The following CADM1 variants were observed in gnomAD, a reference collection of about 807,000 sequenced individuals.
The protein encoded by CADM1 is cell adhesion molecule 1, also known as TSLC-1.
Under a neutral mutation model 53.1 loss-of-function variants are expected in CADM1, and 15 were observed. The ratio of observed to expected loss-of-function variants is 0.28; its 90% CI spans 0.19 to 0.44. The LOEUF is 0.44. Among genes scored for constraint, CADM1 ranks in the 20% least tolerant of loss-of-function variants. The pLI is 1.00. For missense variants in CADM1, 434 were observed against 611.3 expected (o/e 0.71, Z 3.06); for synonymous variants, 281 against 243.0 (o/e 1.16, Z -1.45).
At chr11:115,303,502 G>T (rs1336179790) in intron 1 of CADM1, among the ~76,000 whole-genome samples, 1 of 151,980 alleles carries the variant, frequency 6.6e-6, no homozygotes, top group African/African-American at 2.4e-5. Context: ...TTCTGTATCT[G>T]ATAGTTTTAT....
chr11:115,371,310 A>G (rs1259630137), intron 1 of CADM1, among the ~76,000 whole-genome samples: 1 of 152,216 alleles, frequency 6.6e-6, no homozygotes, highest in African/African-American at 2.4e-5. Flanking sequence ...AGGAAAATAG[A>G]AACATACAGT....
At chr11:115,362,031 C>G (rs1003343788) in intron 1 of CADM1, among the ~76,000 whole-genome samples, 1 of 152,142 alleles carries the variant, frequency 6.6e-6, no homozygotes, top group Non-Finnish European at 1.5e-5. Context: ...AGAGCCACAG[C>G]ACCCAGGCCC....
intron 1 of CADM1, among the ~76,000 whole-genome samples, chr11:115,270,352 A>G (rs1943263199): frequency 6.6e-6 from 1 of 152,122 alleles, no homozygotes; most frequent in Non-Finnish European, 1.5e-5. Context: ...ACAGAGGGGG[A>G]AAAATGTTGA....
chr11:115,229,035 C>A, intron 5 of CADM1, 78 bp downstream of exon 5: 2 of 1,275,692 alleles, frequency 1.6e-6, no homozygotes, highest in South Asian at 2.4e-5. Flanking sequence ...AAAATGAATG[C>A]ATTGAATAAA....
intron 1 of CADM1, among the ~76,000 whole-genome samples, chr11:115,494,653 T>G (rs1329833071): frequency 6.6e-6 from 1 of 152,182 alleles, no homozygotes; most frequent in Non-Finnish European, 1.5e-5. Context: ...CATAGTATTT[T>G]CTTTTTCAGT....
intron 10 of CADM1, among the ~76,000 whole-genome samples, chr11:115,183,326 A>G (rs1455665703): frequency 1.3e-5 from 2 of 152,192 alleles, no homozygotes; most frequent in Non-Finnish European, 2.9e-5. Flanking sequence ...CCTGGTTTCT[A>G]TGGCTACTTT....
chr11:115,264,286 T>C (rs1943064971), intron 1 of CADM1, among the ~76,000 whole-genome samples: 1 of 152,212 alleles, frequency 6.6e-6, no homozygotes, highest in Admixed American at 6.5e-5. Flanking sequence ...TTGACTTGTT[T>C]TATTAACATC....
chr11:115,341,117 T>C (rs1945436070), intron 1 of CADM1, among the ~76,000 whole-genome samples: 1 of 152,114 alleles, frequency 6.6e-6, no homozygotes, highest in South Asian at 2.1e-4. Context: ...AAATAGAAAA[T>C]GTTCTAAGTT....
chr11:115,241,956 T>C (rs909088047), intron 1 of CADM1, among the ~76,000 whole-genome samples: 4 of 151,252 alleles, frequency 2.6e-5, no homozygotes, highest in Non-Finnish European at 5.9e-5. Flanking sequence ...ATCATATTTC[T>C]GTTGAAGGAT....
intron 1 of CADM1, among the ~76,000 whole-genome samples, chr11:115,374,441 T>C (rs548082931): frequency 6.6e-6 from 1 of 152,178 alleles, no homozygotes; most frequent in Non-Finnish European, 1.5e-5. Flanking sequence ...TGTCTGGCCA[T>C]TCTATGTATA....
chr11:115,340,643 TA>T (rs1565375043), intron 1 of CADM1, among the ~76,000 whole-genome samples: 8 of 33,460 alleles, frequency 2.4e-4, no homozygotes, highest in African/African-American at 4.9e-4. Context: ...TATATATATA[TA>T]TATATATATA....
intron 1 of CADM1, among the ~76,000 whole-genome samples, chr11:115,469,180 T>C (rs1347061776): frequency 6.6e-6 from 1 of 152,188 alleles, no homozygotes; most frequent in African/African-American, 2.4e-5. Context: ...TGATTTCTAC[T>C]TCTCTAATTA....
At chr11:115,274,404 C>T (rs537608121) in intron 1 of CADM1, among the ~76,000 whole-genome samples, 2 of 152,334 alleles carry the variant, frequency 1.3e-5, no homozygotes, top group South Asian at 4.1e-4. Context: ...AGTTATCGCC[C>T]AGGGAGATTT....
intron 1 of CADM1, among the ~76,000 whole-genome samples, chr11:115,497,109 T>C (rs978651167): frequency 4.6e-5 from 7 of 152,182 alleles, no homozygotes; most frequent in African/African-American, 1.7e-4. Flanking sequence ...TCAGAGCACC[T>C]ACCTTCCCAA....
At chr11:115,205,049 T>C in intron 8 of CADM1, among the ~76,000 whole-genome samples, 1 of 152,204 alleles carries the variant, frequency 6.6e-6, no homozygotes, top group East Asian at 1.9e-4. Flanking sequence ...TTTCACAATT[T>C]GGCCCTATAG....
chr11:115,410,658 G>A (rs566049216), intron 1 of CADM1, among the ~76,000 whole-genome samples: 10 of 152,264 alleles, frequency 6.6e-5, no homozygotes, highest in African/African-American at 2.4e-4. Flanking sequence ...TAAAAAAAGG[G>A]AAATTTAGCT....
rs763822269 is a variant in CADM1 at position 115,504,334 on chromosome 11, G to GCGCCGCCGCCGC, written c.49_60dup (p.Ala17_Ala20dup). On this transcript the variant is annotated inframe_insertion, in exon 1 of 12. Transcript: ENST00000331581. ...AGAAGCCGGAGCCGGAGCCCGGGAG[G>GCGCCGCCGCCGC]CGCCGCCGCCGCCGCTGCCGCCGCA... 3 of 1,550,440 alleles carry GCGCCGCCGCCGC rather than the reference G, an allele frequency of 1.9e-6. No individual in the cohort carries two copies. In the African/African-American group the frequency reaches 4.1e-5, roughly 21 times the overall value.
intron 1 of CADM1, among the ~76,000 whole-genome samples, chr11:115,482,259 G>A (rs1949273937): frequency 6.6e-6 from 1 of 152,122 alleles, no homozygotes; most frequent in African/African-American, 2.4e-5. Context: ...CCTCTTCTAT[G>A]CTTCCACAGC....
rs1490006613 is a variant in CADM1 at position 115,290,381 on chromosome 11, G to A, written c.125-49961C>T. 4.6e-5 allele frequency among the ~76,000 whole-genome samples: 7 copies of A among 152,276 alleles called. No homozygotes were observed. The East Asian group carries it at 7.7e-4, about 17-fold the overall frequency. On this transcript the variant is annotated intron_variant, in intron 1 of 11. Transcript: ENST00000331581. The stretch of plus-strand genomic sequence containing the variant: ...ATAGACAGTGGCAGGAAGTCTGCTG[G>A]ATGGAAGTCACTCAGCTCACTCCTC...
Sources: gnomAD v4.1 joint callset for allele counts (sites outside exome capture counted in the v4.1 genomes callset) on GRCh38, gnomAD v4.1.1 for gene constraint, MANE v1.5 for transcripts, NCBI Gene and HGNC (gene_info 2026-07-23, HGNC 2026-07-21) for gene names.